Variants in AP3B1 observed in about 807,000 individuals in gnomAD.
The protein encoded by AP3B1 is AP-3 complex subunit beta-1.
In AP3B1, 61 loss-of-function variants were observed where a neutral mutation model predicts 132.5. The ratio of observed to expected loss-of-function variants is 0.46; its 90% CI spans 0.37 to 0.57. The LOEUF (loss-of-function observed/expected upper bound fraction) is 0.57, where lower values mean the gene tolerates loss of function less well. Ranked by LOEUF, AP3B1 falls within the 20% of genes least tolerant of loss-of-function variation. The pLI is 0.00. For synonymous variants in AP3B1, 388 were observed against 438.3 expected (o/e 0.89, Z 1.43); for missense variants, 1,120 against 1,289.4 (o/e 0.87, Z 2.01).
At position 78,233,007 on chromosome 5, in the gene AP3B1, G is replaced by A. The variant is rs370703439; in HGVS notation, c.280-4768C>T. Among the ~76,000 whole-genome samples the A allele has an allele frequency of 1.6e-4, 24 of 151,394 alleles. No homozygotes were observed. In the East Asian group the frequency reaches 2.0e-3, roughly 12 times the overall value. ...CTGGCGTGAGCCACCACACCCGGCC[G>A]CCTTCATCTATGTTTTTCAATTGCT... On this transcript the variant is annotated intron_variant, in intron 3 of 26. Coordinates refer to ENST00000255194, the MANE Select transcript of AP3B1 (RefSeq NM_003664.5).
chr5:78,010,759 T>C (rs1231134691), intron 26 of AP3B1, among the ~76,000 whole-genome samples: 2 of 152,178 alleles, frequency 1.3e-5, no homozygotes, highest in Non-Finnish European at 2.9e-5. Flanking sequence ...AGTCCATTCA[T>C]ATACTGGTTT....
chr5:78,260,172 T>G (rs1486945277), intron 2 of AP3B1, among the ~76,000 whole-genome samples: 1 of 152,062 alleles, frequency 6.6e-6, no homozygotes, highest in African/African-American at 2.4e-5. Context: ...AAGTAATCTA[T>G]TTTCCCATGG....
chr5:78,121,722 A>C (rs933476077), intron 17 of AP3B1: 2 of 152,244 alleles, frequency 1.3e-5, no homozygotes, highest in African/African-American at 4.8e-5. Flanking sequence ...CAACCAAAAA[A>C]AGTCCAGGAC....
intron 22 of AP3B1, among the ~76,000 whole-genome samples, chr5:78,054,248 T>C (rs1748711186): frequency 6.6e-6 from 1 of 152,220 alleles, no homozygotes; most frequent in Non-Finnish European, 1.5e-5. Flanking sequence ...TGAGGTTACA[T>C]GTTGCACAGG....
chr5:78,082,826 T>C (rs1208776239), intron 22 of AP3B1, among the ~76,000 whole-genome samples: 2 of 152,124 alleles, frequency 1.3e-5, no homozygotes, highest in Non-Finnish European at 1.5e-5. Flanking sequence ...GAACCCTTTT[T>C]TTTTTTTAGA....
intron 24 of AP3B1, 79 bp from the exon 25 acceptor site, chr5:78,020,868 G>A: frequency 8.7e-7 from 1 of 1,151,142 alleles, no homozygotes. Flanking sequence ...TCAATGCAAT[G>A]AAAGCCTATG....
intron 24 of AP3B1, 92 bp downstream of exon 24, chr5:78,034,269 T>G: frequency 9.3e-6 from 9 of 967,076 alleles, no homozygotes; most frequent in Non-Finnish European, 1.5e-5. Flanking sequence ...ATGTTTTGTC[T>G]TTCACACACA....
Position 78,260,860 on chromosome 5 carries a change from ATT to A in AP3B1, c.204+6658_204+6659del, listed in dbSNP as rs201061183. ...TACCTGATAAAAGTGGAATCATACA[ATT>A]TTTTGTGTGTGTGTGTCTGGCTTAT... On this transcript the variant is annotated intron_variant, in intron 2 of 26. Coordinates refer to ENST00000255194, the MANE Select transcript of AP3B1 (RefSeq NM_003664.5). Among the ~76,000 whole-genome samples the A allele has an allele frequency of 8.1e-3, 904 of 112,022 alleles. 2 individuals carry two copies. Among genetic ancestry groups the A allele is most frequent in the Non-Finnish European group, 0.012 (592 of 47,990 alleles). The allele number at this position is 112,022 out of a possible 152,430, so 73.5% of individuals were successfully genotyped here.
rs1338688024 is a variant in AP3B1, at chr5:78,292,625, AG to A, written c.128+1826del. Reference sequence around the variant, plus strand: ...AGAGAAGTACCTGGTAATAACCTGCAGGGTTGTTTAGGAAAACTGAATGAGA... The same window carrying A: ...AGAGAAGTACCTGGTAATAACCTGCAGGTTGTTTAGGAAAACTGAATGAGA... On this transcript the variant is annotated intron_variant, in intron 1 of 26. Transcript: ENST00000255194. Among the ~76,000 whole-genome samples, 983 of 152,322 alleles carry A rather than the reference AG, an allele frequency of 6.5e-3. 5 individuals carry two copies. Among genetic ancestry groups the A allele is most frequent in the African/African-American group, 0.022 (924 of 41,566 alleles).
chr5:78,249,713 A>G (rs1324750429), intron 2 of AP3B1, among the ~76,000 whole-genome samples: 1 of 147,922 alleles, frequency 6.8e-6, no homozygotes, highest in Non-Finnish European at 1.5e-5. Context: ...CCTTCTGTGT[A>G]GCTGGGACCA....
At chr5:78,018,091 T>C (rs1407452411) in intron 25 of AP3B1, among the ~76,000 whole-genome samples, 3 of 151,970 alleles carry the variant, frequency 2.0e-5, no homozygotes, top group African/African-American at 2.4e-5. Flanking sequence ...GAACACGTAC[T>C]CTTGAAATTA....
downstream of AP3B1, chr5:78,001,233 AC>A (rs1273210767): frequency 1.3e-5 from 2 of 152,212 alleles, no homozygotes; most frequent in African/African-American, 4.8e-5. Context: ...TCCTCAGAAA[AC>A]AGGTATTAAA....
intron 2 of AP3B1, among the ~76,000 whole-genome samples, chr5:78,241,679 A>G (rs1008561186): frequency 6.6e-6 from 1 of 152,200 alleles, no homozygotes; most frequent in Non-Finnish European, 1.5e-5. Flanking sequence ...CTGTTCTACA[A>G]TCTCTGAAAC....
intron 7 of AP3B1, among the ~76,000 whole-genome samples, chr5:78,211,617 T>C (rs898913243): frequency 1.3e-5 from 2 of 152,228 alleles, no homozygotes; most frequent in African/African-American, 4.8e-5. Flanking sequence ...AACAAATGTT[T>C]GCAAAAATTC....
intron 15 of AP3B1, among the ~76,000 whole-genome samples, chr5:78,135,208 G>C (rs1752860881): frequency 6.6e-6 from 1 of 152,064 alleles, no homozygotes; most frequent in African/African-American, 2.4e-5. Flanking sequence ...AGAACTCAAG[G>C]AAGCACTTTC....
Position 78,141,135 on chromosome 5 carries a change from CCT to C in AP3B1, c.1650+6_1650+7del. The C allele has an allele frequency of 6.2e-7, 1 of 1,612,596 alleles. No homozygotes were observed. ...TATTAGATAGGTTGACTAACATTTG[CCT>C]CTCACCTGTTTGGAGTTGGTTAAAT... On this transcript the variant is annotated splice_donor_region_variant and intron_variant, in intron 15 of 26. Coordinates refer to ENST00000255194, the MANE Select transcript of AP3B1 (RefSeq NM_003664.5).
At chr5:78,256,731 C>T (rs1356848909) in intron 2 of AP3B1, among the ~76,000 whole-genome samples, 1 of 151,888 alleles carries the variant, frequency 6.6e-6, no homozygotes, top group African/African-American at 2.4e-5. Flanking sequence ...GAAAATGACA[C>T]CCCAATATCT....
chr5:78,248,815 T>C (rs1017504803), intron 2 of AP3B1, among the ~76,000 whole-genome samples: 5 of 152,218 alleles, frequency 3.3e-5, no homozygotes, highest in Admixed American at 6.5e-5. Flanking sequence ...TCAATGGATA[T>C]AGAGTTCTGG....
chr5:78,259,742 C>T (rs116489411), intron 2 of AP3B1, among the ~76,000 whole-genome samples: 224 of 152,106 alleles, frequency 1.5e-3, no homozygotes, highest in African/African-American at 5.0e-3. Flanking sequence ...CCAAGGTGGG[C>T]GGATTACTTG....
Sources: allele counts gnomAD v4.1 joint callset (sites outside exome capture counted in the v4.1 genomes callset), GRCh38; gene constraint gnomAD v4.1.1; transcripts MANE v1.5; gene names NCBI Gene and HGNC (gene_info 2026-07-23, HGNC 2026-07-21).